Variants in LRRC4C observed in about 807,000 individuals in gnomAD.
The protein encoded by LRRC4C is leucine rich repeat containing 4C, also known as leucine-rich repeat-containing protein 4C.
LRRC4C carries 5 observed loss-of-function variants against 33.6 expected under a neutral mutation model. The observed-to-expected ratio is 0.15, with a 90% CI of 0.08 to 0.31. The LOEUF (loss-of-function observed/expected upper bound fraction) is 0.31, where lower values mean the gene tolerates loss of function less well. Among genes scored for constraint, LRRC4C ranks in the 10% least tolerant of loss-of-function variants. The pLI is 1.00. For missense variants in LRRC4C, 560 were observed against 796.7 expected, an observed-to-expected ratio of 0.70 and a Z score of 3.58; for synonymous variants, 329 against 302.0, an observed-to-expected ratio of 1.09 and a Z score of -0.93.
chr11:40,476,939 GAGA>G (rs766635684), intron 3 of LRRC4C, among the ~76,000 whole-genome samples: 20 of 152,150 alleles, frequency 1.3e-4, no homozygotes, highest in Non-Finnish European at 1.5e-4. Flanking sequence ...ATATGCATCA[GAGA>G]AGTTTAGTCA....
At chr11:41,056,669 T>C (rs193290449) in intron 1 of LRRC4C, among the ~76,000 whole-genome samples, 1 of 152,274 alleles carries the variant, frequency 6.6e-6, no homozygotes, top group East Asian at 1.9e-4. Context: ...AAATGCTCGA[T>C]ACCACTAATC....
intron 4 of LRRC4C, among the ~76,000 whole-genome samples, chr11:40,259,857 C>T (rs1398935745): frequency 2.0e-5 from 3 of 152,010 alleles, no homozygotes; most frequent in Non-Finnish European, 2.9e-5. Context: ...CAATGAGATA[C>T]CATCTCACAC....
intron 2 of LRRC4C, among the ~76,000 whole-genome samples, chr11:40,741,005 T>A (rs1026972917): frequency 9.2e-5 from 14 of 152,102 alleles, no homozygotes; most frequent in African/African-American, 3.1e-4. Flanking sequence ...GCCAGTACCA[T>A]ATTTTTTATT....
chr11:40,330,613 G>A (rs183040179), intron 3 of LRRC4C, among the ~76,000 whole-genome samples: 89 of 152,230 alleles, frequency 5.8e-4, no homozygotes, highest in African/African-American at 2.0e-3. Flanking sequence ...CTATCATGGC[G>A]GAAGGCACCT....
intron 2 of LRRC4C, among the ~76,000 whole-genome samples, chr11:40,809,529 T>C (rs1409171547): frequency 6.6e-6 from 1 of 152,186 alleles, no homozygotes; most frequent in Non-Finnish European, 1.5e-5. Context: ...GCTGCATTTT[T>C]TTCTATAGAA....
intron 1 of LRRC4C, among the ~76,000 whole-genome samples, chr11:41,308,447 G>A (rs1023410734): frequency 2.6e-5 from 4 of 152,110 alleles, no homozygotes; most frequent in African/African-American, 9.7e-5. Context: ...ATCCTGTGCT[G>A]TGTCCACCGC....
intron 5 of LRRC4C, among the ~76,000 whole-genome samples, chr11:40,236,805 A>G (rs1322453050): frequency 1.3e-5 from 2 of 152,164 alleles, no homozygotes; most frequent in Admixed American, 1.3e-4. Context: ...AGAAAAATAA[A>G]TGTTTGTCGT....
chr11:41,241,297 C>T (rs1270739792), intron 1 of LRRC4C, among the ~76,000 whole-genome samples: 1 of 152,124 alleles, frequency 6.6e-6, no homozygotes, highest in Non-Finnish European at 1.5e-5. Flanking sequence ...TTTTCCAAGA[C>T]ATGTTCCCTA....
At chr11:41,175,987 CTT>C (rs1210519764) in intron 1 of LRRC4C, among the ~76,000 whole-genome samples, 4 of 152,102 alleles carry the variant, frequency 2.6e-5, no homozygotes, top group Non-Finnish European at 5.9e-5. Context: ...CCCTTTTACT[CTT>C]AAGTACTCGT....
At chr11:41,350,378 C>G (rs930382933) in intron 1 of LRRC4C, among the ~76,000 whole-genome samples, 1 of 151,496 alleles carries the variant, frequency 6.6e-6, no homozygotes, top group East Asian at 2.0e-4. Context: ...GGCGTTGTGG[C>G]GGGCGCCTGT....
chr11:40,708,440 A>C (rs1038831295), intron 2 of LRRC4C, among the ~76,000 whole-genome samples: 1 of 152,176 alleles, frequency 6.6e-6, no homozygotes, highest in African/African-American at 2.4e-5. Context: ...TTCAAAGAAC[A>C]TCTTTATTTC....
At chr11:40,251,973 T>C (rs184077909) in intron 4 of LRRC4C, among the ~76,000 whole-genome samples, 5 of 152,220 alleles carry the variant, frequency 3.3e-5, no homozygotes, top group Non-Finnish European at 5.9e-5. Context: ...ATTTGGATTC[T>C]CTGAGTGTCA....
chr11:40,528,292 A>G (rs1045981006), intron 3 of LRRC4C, among the ~76,000 whole-genome samples: 1 of 152,174 alleles, frequency 6.6e-6, no homozygotes, highest in Non-Finnish European at 1.5e-5. Context: ...TAAGCAGTTA[A>G]CATCTAAAAT....
At chr11:40,937,603 A>ATGTG (rs35416837) in intron 1 of LRRC4C, among the ~76,000 whole-genome samples, 9,413 of 135,844 alleles carry the variant, frequency 0.069, 368 homozygotes, top group African/African-American at 0.11. Flanking sequence ...GTGTGTGTAT[A>ATGTG]TGTGTGTGTG....
chr11:40,269,868 G>A (rs186723082), intron 4 of LRRC4C, among the ~76,000 whole-genome samples: 4 of 152,090 alleles, frequency 2.6e-5, no homozygotes, highest in Non-Finnish European at 5.9e-5. Flanking sequence ...TAAAACATCT[G>A]GCTAATAAGT....
chr11:40,963,273 T>C (rs1851096114), intron 1 of LRRC4C, among the ~76,000 whole-genome samples: 1 of 151,730 alleles, frequency 6.6e-6, no homozygotes, highest in South Asian at 2.1e-4. Flanking sequence ...CAGCGAACAT[T>C]AGTTATATCT....
At chr11:41,344,086 C>T (rs953264183) in intron 1 of LRRC4C, among the ~76,000 whole-genome samples, 1 of 152,186 alleles carries the variant, frequency 6.6e-6, no homozygotes, top group Non-Finnish European at 1.5e-5. Flanking sequence ...ATGATTGTGT[C>T]GTTCACTTGC....
chr11:41,235,426 T>A (rs2136497198), intron 1 of LRRC4C, among the ~76,000 whole-genome samples: 1 of 152,222 alleles, frequency 6.6e-6, no homozygotes, highest in African/African-American at 2.4e-5. Context: ...CTGTGTTTGT[T>A]TTGTTTTTAC....
intron 2 of LRRC4C, among the ~76,000 whole-genome samples, chr11:40,809,957 T>C (rs1009961264): frequency 6.6e-6 from 1 of 152,226 alleles, no homozygotes; most frequent in Non-Finnish European, 1.5e-5. Context: ...CTGTTCAAAA[T>C]AGAGGCATAA....
Sources: gnomAD v4.1 joint callset for allele counts (sites outside exome capture counted in the v4.1 genomes callset) on GRCh38, gnomAD v4.1.1 for gene constraint, MANE v1.5 for transcripts, NCBI Gene and HGNC (gene_info 2026-07-23, HGNC 2026-07-21) for gene names.